The following CDH2 variants were observed in gnomAD, a reference collection of about 807,000 sequenced individuals.
The protein encoded by CDH2 is cadherin-2.
A neutral mutation model predicts 92.0 loss-of-function variants in CDH2; 17 were observed. The ratio of observed to expected loss-of-function variants is 0.18; its 90% CI spans 0.13 to 0.28. The LOEUF is 0.28. Among genes scored for constraint, CDH2 ranks in the 10% least tolerant of loss-of-function variants. The probability of loss-of-function intolerance (pLI) is 1.00; values close to 1 mark genes in which losing one functional copy is unlikely to be tolerated. For synonymous variants in CDH2, 419 were observed against 415.9 expected (o/e 1.01, Z -0.09); for missense variants, 862 against 1,133.1 (o/e 0.76, Z 3.44).
At chr18:28,042,900 T>G (rs1193847996) in intron 2 of CDH2, among the ~76,000 whole-genome samples, 2 of 152,280 alleles carry the variant, frequency 1.3e-5, no homozygotes, top group Non-Finnish European at 1.5e-5. Context: ...GGAAACATAA[T>G]GTTGATATTT....
chr18:28,015,335 A>G (rs1438561795), intron 2 of CDH2, among the ~76,000 whole-genome samples: 2 of 152,224 alleles, frequency 1.3e-5, no homozygotes, highest in Admixed American at 6.5e-5. Flanking sequence ...AAGTGAAAAT[A>G]AAAGTATATC....
rs6508526 is a variant in CDH2, at chr18:28,147,486, A to T, written c.172+187T>A. Among the ~76,000 whole-genome samples the T allele has an allele frequency of 0.28, 42,438 of 152,000 alleles. 6,857 individuals are homozygous for T. The highest frequency in any genetic ancestry group is 0.44 in the African/African-American group (18,325 of 41,436). On this transcript the variant is annotated intron_variant, in intron 2 of 15. Coordinates refer to ENST00000269141, the MANE Select transcript of CDH2 (RefSeq NM_001792.5). Reference sequence around the variant, plus strand: ...CGATTTCAAGAGATCAGGAGCCTTCAAATTATGTATATAAGAGATTCATAA... The same window carrying T: ...CGATTTCAAGAGATCAGGAGCCTTCTAATTATGTATATAAGAGATTCATAA...
At chr18:28,081,607 T>C (rs942449307) in intron 2 of CDH2, among the ~76,000 whole-genome samples, 2 of 152,204 alleles carry the variant, frequency 1.3e-5, no homozygotes, top group Non-Finnish European at 2.9e-5. Flanking sequence ...CATATATAAA[T>C]CAAATACATA....
chr18:28,109,463 G>A (rs1599107561), intron 2 of CDH2, among the ~76,000 whole-genome samples: 1 of 152,228 alleles, frequency 6.6e-6, no homozygotes, highest in South Asian at 2.1e-4. Context: ...AAGATTCACT[G>A]AACATAATGA....
chr18:27,973,015 T>A (rs989755775), intron 14 of CDH2, among the ~76,000 whole-genome samples: 4 of 152,100 alleles, frequency 2.6e-5, no homozygotes, highest in Non-Finnish European at 5.9e-5. Flanking sequence ...TATAGGCAGT[T>A]CAAAATGCAA....
intron 6 of CDH2, among the ~76,000 whole-genome samples, chr18:27,941,107 C>T (rs907958299): frequency 3.6e-4 from 53 of 145,834 alleles, no homozygotes; most frequent in Non-Finnish European, 5.5e-4. Flanking sequence ...GCTGTCTTGG[C>T]TCACTGCAAG....
intron 15 of CDH2, among the ~76,000 whole-genome samples, chr18:27,959,176 T>A (rs764640366): frequency 2.0e-4 from 31 of 152,198 alleles, no homozygotes; most frequent in Admixed American, 4.6e-4. Flanking sequence ...AACTTTTCAC[T>A]CCCTGAAGGT....
At chr18:27,977,620 T>C (rs2011878832) in intron 14 of CDH2, among the ~76,000 whole-genome samples, 1 of 152,152 alleles carries the variant, frequency 6.6e-6, no homozygotes, top group Non-Finnish European at 1.5e-5. Context: ...TTCTGGAGAC[T>C]GCTGTACAGA....
chr18:28,089,634 A>G (rs1247178373), intron 2 of CDH2, among the ~76,000 whole-genome samples: 1 of 152,214 alleles, frequency 6.6e-6, no homozygotes, highest in African/African-American at 2.4e-5. Context: ...TTCAAGTCCA[A>G]TAATCTTTTC....
chr18:28,145,454 T>A (rs45441495), intron 2 of CDH2, among the ~76,000 whole-genome samples: 2,939 of 152,196 alleles, frequency 0.019, 47 homozygotes, highest in South Asian at 0.038. Context: ...GTGGCAAATA[T>A]ACAGTACATG....
intron 2 of CDH2, among the ~76,000 whole-genome samples, chr18:28,014,511 G>GT (rs1478365555): frequency 1.4e-4 from 22 of 152,130 alleles, no homozygotes; most frequent in Admixed American, 5.2e-4. Context: ...CTCTAGAATT[G>GT]TAAGACCTTA....
rs572220801 is a variant in CDH2 at position 28,175,938 on chromosome 18, G to A, written c.60+1025C>T. Among the ~76,000 whole-genome samples the A allele has an allele frequency of 1.4e-3, 220 of 152,310 alleles. 1 individual carries two copies. Among genetic ancestry groups the A allele is most frequent in the Middle Eastern group, 3.4e-3 (1 of 294 alleles). ...CCCGCCCAGCTAGAGGGTCCCGGCC[G>A]AGGCTGTGTGAAGTGGCCTCCAGGC... On this transcript the variant is annotated intron_variant, in intron 1 of 15. Coordinates refer to ENST00000269141, the MANE Select transcript of CDH2 (RefSeq NM_001792.5).
chr18:28,061,094 T>C (rs1426352863), intron 2 of CDH2, among the ~76,000 whole-genome samples: 6 of 152,212 alleles, frequency 3.9e-5, no homozygotes, highest in Non-Finnish European at 8.8e-5. Flanking sequence ...TTGTACTATA[T>C]AGTTAAAATT....
intron 14 of CDH2, among the ~76,000 whole-genome samples, chr18:27,971,829 G>T (rs1417216228): frequency 6.6e-6 from 1 of 152,220 alleles, no homozygotes; most frequent in Non-Finnish European, 1.5e-5. Context: ...GGTCTCCACA[G>T]TTATGTCCAG....
intron 2 of CDH2, among the ~76,000 whole-genome samples, chr18:28,106,253 C>T (rs2015319120): frequency 6.6e-6 from 1 of 152,006 alleles, no homozygotes; most frequent in Non-Finnish European, 1.5e-5. Context: ...CCTGTCTTTC[C>T]TAAAAATACA....
chr18:28,090,287 CTAAA>C (rs2015012692), intron 2 of CDH2, among the ~76,000 whole-genome samples: 1 of 152,122 alleles, frequency 6.6e-6, no homozygotes, highest in East Asian at 1.9e-4. Flanking sequence ...TCAATAACAT[CTAAA>C]TTAATTTGTC....
chr18:27,980,294 G>A (rs2012002818), intron 14 of CDH2, among the ~76,000 whole-genome samples: 1 of 152,160 alleles, frequency 6.6e-6, no homozygotes, highest in Non-Finnish European at 1.5e-5. Flanking sequence ...ACCAAAGGTT[G>A]GGTGCAGCGC....
chr18:28,091,580 G>A (rs2015038278), intron 2 of CDH2, among the ~76,000 whole-genome samples: 1 of 152,138 alleles, frequency 6.6e-6, no homozygotes. Flanking sequence ...TTATTTTTTA[G>A]AGTATACGTT....
At chr18:28,128,675 G>C (rs910390847) in intron 2 of CDH2, among the ~76,000 whole-genome samples, 8 of 149,890 alleles carry the variant, frequency 5.3e-5, no homozygotes, top group Admixed American at 2.0e-4. Flanking sequence ...AACAGGGCAC[G>C]ACCCCGTCTC....
Sources: allele counts gnomAD v4.1 joint callset (sites outside exome capture counted in the v4.1 genomes callset), GRCh38; gene constraint gnomAD v4.1.1; transcripts MANE v1.5; gene names NCBI Gene and HGNC (gene_info 2026-07-23, HGNC 2026-07-21).